The following ZNF354B variants were observed in gnomAD, a reference collection of about 807,000 sequenced individuals.
ZNF354B encodes zinc finger protein 354B.
ZNF354B carries 10 observed loss-of-function variants against 12.9 expected under a neutral mutation model. That is an observed-to-expected ratio of 0.77 (90% CI 0.48 to 1.31). The LOEUF (loss-of-function observed/expected upper bound fraction) is 1.31. ZNF354B is among the 40% of genes most tolerant of loss of function. ZNF354B has a pLI of 0.00. For synonymous variants in ZNF354B, 260 were observed against 243.7 expected (o/e 1.07, Z -0.62); for missense variants, 614 against 711.7 (o/e 0.86, Z 1.56).
chr5:178,876,381 C>A (rs551147096), intron 4 of ZNF354B, among the ~76,000 whole-genome samples: 1 of 152,316 alleles, frequency 6.6e-6, no homozygotes, highest in South Asian at 2.1e-4. Flanking sequence ...AGGGCAACAG[C>A]AGTGAGGGCT....
chr5:178,862,860 C>G (rs934035350), intron 2 of ZNF354B, among the ~76,000 whole-genome samples: 2 of 152,296 alleles, frequency 1.3e-5, no homozygotes, highest in Middle Eastern at 3.4e-3. Flanking sequence ...TCCTTCCTGT[C>G]TGTTCTTGCT....
At chr5:178,869,634 C>T (rs1329184066) in intron 4 of ZNF354B, among the ~76,000 whole-genome samples, 3 of 152,108 alleles carry the variant, frequency 2.0e-5, no homozygotes, top group Non-Finnish European at 4.4e-5. Flanking sequence ...GAAAATATGA[C>T]GAGTGCAGAG....
chr5:178,882,670 T>G lies in ZNF354B; in HGVS notation c.257-39T>G, dbSNP rs753835676. 2.6e-6 allele frequency: 4 copies of G among 1,509,912 alleles called. No homozygotes were observed. The African/African-American group carries it at 5.6e-5, about 21-fold the overall frequency. The allele number at this position is 1,509,912 out of a possible 1,614,324, so 93.5% of individuals were successfully genotyped here. A position where few individuals can be genotyped will look rare whatever the true frequency, so the allele number is the denominator to read the frequency against. On this transcript the variant is annotated intron_variant, in intron 4 of 4. Coordinates refer to ENST00000322434, the MANE Select transcript of ZNF354B (RefSeq NM_058230.3). ...ACACATTTAGTCTCAGCCAATCACA[T>G]GAATCATGGGCTGTTGCTTTCTTTT... is the stretch of plus-strand genomic sequence containing the variant.
intron 4 of ZNF354B, among the ~76,000 whole-genome samples, chr5:178,872,138 G>C (rs1430977926): frequency 6.6e-6 from 1 of 152,090 alleles, no homozygotes; most frequent in Non-Finnish European, 1.5e-5. Context: ...CACTGCCCCT[G>C]TTCCCTGCCT....
intron 1 of ZNF354B, among the ~76,000 whole-genome samples, chr5:178,860,371 C>T (rs567894544): frequency 2.1e-4 from 30 of 142,412 alleles, no homozygotes; most frequent in African/African-American, 5.5e-4. Flanking sequence ...CCGGGCCCAC[C>T]CTGCGCGCGC....
chr5:178,882,030 T>C (rs1351474305), intron 4 of ZNF354B, among the ~76,000 whole-genome samples: 1 of 152,314 alleles, frequency 6.6e-6, no homozygotes, highest in African/African-American at 2.4e-5. Context: ...TTCTTCAGCA[T>C]AGCAGAAATA....
chr5:178,876,525 C>T (rs950002072), intron 4 of ZNF354B, among the ~76,000 whole-genome samples: 7 of 152,190 alleles, frequency 4.6e-5, no homozygotes, highest in African/African-American at 9.6e-5. Context: ...ATGCATATTT[C>T]GGCCTGCTTG....
chr5:178,883,649 A>G lies in ZNF354B; in HGVS notation c.1197A>G (p.Gln399=), dbSNP rs140405302. 53 of 1,613,906 alleles carry G rather than the reference A, an allele frequency of 3.3e-5. No homozygotes were observed. The African/African-American group carries it at 5.9e-4, about 18-fold the overall frequency. ...TCAGCCAGAGTGCCTCTCTTATTCAACATGAAAGAATTCACACCGGAGAAA... is the reference window on the plus strand; with the variant it reads ...TCAGCCAGAGTGCCTCTCTTATTCAGCATGAAAGAATTCACACCGGAGAAA... ...RAFSQSASLI[Q]HERIHTGEKP... Residue 399 remains glutamine (Q), a synonymous_variant, in exon 5 of 5, where the codon CAA becomes CAG. Coordinates refer to ENST00000322434, the MANE Select transcript of ZNF354B (RefSeq NM_058230.3).
intron 2 of ZNF354B, among the ~76,000 whole-genome samples, chr5:178,864,521 A>G (rs1265905368): frequency 6.6e-6 from 1 of 152,178 alleles, no homozygotes; most frequent in Non-Finnish European, 1.5e-5. Flanking sequence ...TATATATTTC[A>G]TATGTACAAT....
At chr5:178,867,435 GC>G (rs1561666928) in intron 4 of ZNF354B, among the ~76,000 whole-genome samples, 2 of 152,200 alleles carry the variant, frequency 1.3e-5, no homozygotes, top group African/African-American at 4.8e-5. Context: ...GGGAAGGGCC[GC>G]GTAGTAAGTG....
chr5:178,870,106 G>A (rs569373282), intron 4 of ZNF354B, among the ~76,000 whole-genome samples: 41 of 152,164 alleles, frequency 2.7e-4, no homozygotes, highest in Middle Eastern at 6.8e-3. Context: ...GAGCCCAGGG[G>A]TTCGAGACCA....
intron 4 of ZNF354B, among the ~76,000 whole-genome samples, chr5:178,878,802 A>C (rs914364813): frequency 6.6e-6 from 1 of 151,844 alleles, no homozygotes; most frequent in Non-Finnish European, 1.5e-5. Context: ...TCTTGGGTTC[A>C]AGTTATTCTC....
rs779577479 is a variant in ZNF354B at position 178,884,238 on chromosome 5, CATT to C, written c.1789_1791del (p.Tyr597del). ...TAGCCAGAGGTCATCCCTTACTAAT[CATT>C]ATAAAATTCACATTGAAGAGGACTC... is the stretch of plus-strand genomic sequence containing the variant. On this transcript the variant is annotated inframe_deletion, in exon 5 of 5. Coordinates refer to ENST00000322434, the MANE Select transcript of ZNF354B (RefSeq NM_058230.3). 13 of 1,609,266 alleles carry C rather than the reference CATT, an allele frequency of 8.1e-6. No homozygotes were observed. Among genetic ancestry groups the C allele is most frequent in the South Asian group, 4.4e-5 (4 of 90,306 alleles).
intron 4 of ZNF354B, 89 bp downstream of exon 4, chr5:178,867,160 C>G: frequency 7.9e-7 from 1 of 1,262,402 alleles, no homozygotes; most frequent in South Asian, 1.2e-5. Flanking sequence ...GGGAAACTCC[C>G]TTGAGAATTC....
intron 3 of ZNF354B, 43 bp downstream of exon 3, chr5:178,866,413 A>G (rs374576720): frequency 6.3e-7 from 1 of 1,589,664 alleles, no homozygotes; most frequent in African/African-American, 1.4e-5. Flanking sequence ...AAAAATTGGG[A>G]TATCTCAGCA....
intron 4 of ZNF354B, among the ~76,000 whole-genome samples, chr5:178,874,951 T>C (rs192464458): frequency 1.6e-4 from 25 of 152,362 alleles, no homozygotes; most frequent in Admixed American, 1.6e-3. Context: ...GGGTGTTTAT[T>C]TGTAGCTGAA....
At chr5:178,880,695 G>A (rs528993714) in intron 4 of ZNF354B, among the ~76,000 whole-genome samples, 1 of 151,704 alleles carries the variant, frequency 6.6e-6, no homozygotes, top group East Asian at 2.0e-4. Context: ...GGATCTTACT[G>A]TATTGCCCAG....
chr5:178,880,425 C>G (rs1349391860), intron 4 of ZNF354B, among the ~76,000 whole-genome samples: 3 of 151,584 alleles, frequency 2.0e-5, no homozygotes, highest in Non-Finnish European at 2.9e-5. Flanking sequence ...GTCTCGATCT[C>G]CTGACCTTGT....
Position 178,860,405 on chromosome 5 carries a change from G to T in ZNF354B, c.-52+278G>T, listed in dbSNP as rs535314173. 2.9e-3 allele frequency among the ~76,000 whole-genome samples: 429 copies of T among 148,132 alleles called. 5 individuals are homozygous for T. The highest frequency in any genetic ancestry group is 9.6e-3 in the African/African-American group (393 of 40,802). On this transcript the variant is annotated intron_variant, in intron 1 of 4. Coordinates refer to ENST00000322434, the MANE Select transcript of ZNF354B (RefSeq NM_058230.3). The stretch of plus-strand genomic sequence containing the variant: ...GCCGTGTGGGCCTCGCGGACTCGGG[G>T]CGCCGGGACCCCGAGCGCAGGGCAG...
Sources: allele counts gnomAD v4.1 joint callset (sites outside exome capture counted in the v4.1 genomes callset), GRCh38; gene constraint gnomAD v4.1.1; transcripts MANE v1.5; gene names NCBI Gene and HGNC (gene_info 2026-07-23, HGNC 2026-07-21).